NEK1: variants seen among roughly 807,000 people sequenced by gnomAD.
NEK1 encodes the protein serine/threonine-protein kinase Nek1.
Under a neutral mutation model 182.1 loss-of-function variants are expected in NEK1, and 137 were observed. The ratio of observed to expected loss-of-function variants is 0.75; its 90% CI spans 0.65 to 0.87. The LOEUF (loss-of-function observed/expected upper bound fraction) is 0.87, where lower values mean the gene tolerates loss of function less well. Among genes scored for constraint, NEK1 ranks in the 40% least tolerant of loss-of-function variants. The probability of loss-of-function intolerance (pLI) is 0.00; values close to 1 mark genes in which losing one functional copy is unlikely to be tolerated. For missense variants in NEK1, 1,391 were observed against 1,494.4 expected (o/e 0.93, Z 1.14); for synonymous variants, 513 against 492.2 (o/e 1.04, Z -0.56).
intron 12 of NEK1, among the ~76,000 whole-genome samples, chr4:169,567,337 G>A (rs1428372446): frequency 6.6e-6 from 1 of 151,538 alleles, no homozygotes; most frequent in Non-Finnish European, 1.5e-5. Context: ...TTTTAAGTGT[G>A]CAGTTCTGTG....
intron 19 of NEK1, among the ~76,000 whole-genome samples, chr4:169,525,967 A>G (rs1393362276): frequency 6.6e-6 from 1 of 152,218 alleles, no homozygotes; most frequent in Non-Finnish European, 1.5e-5. Context: ...ACACTGGAAT[A>G]AAAATCCCCA....
intron 23 of NEK1, among the ~76,000 whole-genome samples, chr4:169,502,862 T>C (rs970091863): frequency 7.9e-5 from 12 of 152,120 alleles, no homozygotes; most frequent in African/African-American, 2.9e-4. Flanking sequence ...TTCAACATAG[T>C]ACTGGCAGTC....
At chr4:169,406,864 A>C (rs1245340291) in intron 31 of NEK1, 117 bp from the exon 32 acceptor site, 1 of 623,824 alleles carries the variant, frequency 1.6e-6, no homozygotes, top group African/African-American at 2.0e-5. Context: ...AACATATAAA[A>C]AGTTTTTTTA....
intron 27 of NEK1, among the ~76,000 whole-genome samples, chr4:169,460,439 G>A (rs1305495691): frequency 6.6e-6 from 1 of 151,828 alleles, no homozygotes; most frequent in Non-Finnish European, 1.5e-5. Context: ...GGAAAGACCT[G>A]CCCCCATAAT....
intron 27 of NEK1, among the ~76,000 whole-genome samples, chr4:169,456,801 A>G (rs1346551229): frequency 6.6e-6 from 1 of 152,232 alleles, no homozygotes; most frequent in Non-Finnish European, 1.5e-5. Flanking sequence ...AAGATTTAGA[A>G]GCAACCTAAA....
At chr4:169,477,562 A>G (rs2149550532) in intron 24 of NEK1, 65 bp from the exon 25 acceptor site, 8 of 1,204,354 alleles carry the variant, frequency 6.6e-6, no homozygotes, top group Non-Finnish European at 9.3e-6. Context: ...CTTTAAAAAT[A>G]TTACATCCTC....
chr4:169,514,995 C>T (rs926620409), intron 19 of NEK1, among the ~76,000 whole-genome samples: 3 of 152,108 alleles, frequency 2.0e-5, no homozygotes, highest in South Asian at 2.1e-4. Flanking sequence ...CACAGAAGTG[C>T]TTCAGCTCTC....
At chr4:169,524,095 A>G (rs1317854602) in intron 19 of NEK1, among the ~76,000 whole-genome samples, 4 of 152,228 alleles carry the variant, frequency 2.6e-5, no homozygotes, top group African/African-American at 7.2e-5. Flanking sequence ...TATATCTACA[A>G]CAATGTTCAA....
At chr4:169,581,765 T>C (rs2150056120) in intron 10 of NEK1, among the ~76,000 whole-genome samples, 1 of 152,334 alleles carries the variant, frequency 6.6e-6, no homozygotes, top group East Asian at 1.9e-4. Flanking sequence ...TCAAAACTAC[T>C]GAAGAATCTC....
At chr4:169,553,093 C>T (rs7687728) in intron 18 of NEK1, among the ~76,000 whole-genome samples, 69,995 of 151,902 alleles carry the variant, frequency 0.46, 18,607 homozygotes, top group East Asian at 0.76. Flanking sequence ...TATGGAAAGA[C>T]AAAAGAACCG....
In NEK1 at chr4:169,514,531, G is replaced by A. The variant is rs542476812; in HGVS notation, c.1666-5679C>T. ...AGATTTTCAATAGTTTTTGAATCACGAATTCAACTTTTAAAACAGTTATAG... is the reference window on the plus strand; with the variant it reads ...AGATTTTCAATAGTTTTTGAATCACAAATTCAACTTTTAAAACAGTTATAG... On this transcript the variant is annotated intron_variant, in intron 19 of 35. Coordinates refer to ENST00000507142, the MANE Select transcript of NEK1 (RefSeq NM_001199397.3). Among the ~76,000 whole-genome samples the A allele has an allele frequency of 1.2e-4, 18 of 152,236 alleles. No homozygotes were observed. In the South Asian group the frequency reaches 3.7e-3, roughly 32 times the overall value.
chr4:169,547,789 G>T (rs559864043), intron 18 of NEK1, among the ~76,000 whole-genome samples: 2 of 152,020 alleles, frequency 1.3e-5, no homozygotes, highest in Admixed American at 1.3e-4. Flanking sequence ...TATGCTTCAC[G>T]AAGTTCTCAT....
At chr4:169,537,663 T>C in intron 19 of NEK1, 146 bp downstream of exon 19, 1 of 661,096 alleles carries the variant, frequency 1.5e-6, no homozygotes, top group African/African-American at 1.8e-5. Context: ...TTTTATACTC[T>C]GCAAATGACT....
chr4:169,526,981 G>GA (rs1035306531), intron 19 of NEK1, among the ~76,000 whole-genome samples: 1 of 151,950 alleles, frequency 6.6e-6, no homozygotes, highest in Non-Finnish European at 1.5e-5. Flanking sequence ...ACCATAAATA[G>GA]AAAAAATCCC....
At chr4:169,497,092 G>A (rs1019686979) in intron 23 of NEK1, among the ~76,000 whole-genome samples, 1 of 152,136 alleles carries the variant, frequency 6.6e-6, no homozygotes, top group African/African-American at 2.4e-5. Context: ...GCCTGTTATT[G>A]GTCTATTCAG....
rs544461065 is a variant in NEK1, at chr4:169,510,195, T to A, written c.1666-1343A>T. Among the ~76,000 whole-genome samples, 26 of 152,264 alleles carry A rather than the reference T, an allele frequency of 1.7e-4. No individual in the cohort carries two copies. In the South Asian group the frequency reaches 5.0e-3, roughly 29 times the overall value. On this transcript the variant is annotated intron_variant, in intron 19 of 35. Coordinates refer to ENST00000507142, the MANE Select transcript of NEK1 (RefSeq NM_001199397.3). ...TTTGCTGGCCCTCCTTCTCTTCTCA[T>A]CCCCAGGCTTTAACATATGCTGCCA...
chr4:169,394,949 T>G (rs1412289170), intron 35 of NEK1, among the ~76,000 whole-genome samples: 1 of 152,176 alleles, frequency 6.6e-6, no homozygotes, highest in Non-Finnish European at 1.5e-5. Flanking sequence ...CACTGTAAAG[T>G]TCTTTCAGAT....
At position 169,393,169 on chromosome 4, in the gene NEK1, A is replaced by G. The variant is rs1448673314; in HGVS notation, c.*1341T>C. 1 of 152,226 alleles carries G rather than the reference A, an allele frequency of 6.6e-6. No homozygotes were observed. Among genetic ancestry groups the G allele is most frequent in the Non-Finnish European group, 1.5e-5 (1 of 68,036 alleles). The allele number at this position is 152,226 out of a possible 1,614,324, so 9.4% of individuals were successfully genotyped here. ...TTGAATTCATTTTCTTCCATTATGA[A>G]GAAAGAAATCATCAGGTACAAAACC... On this transcript the variant is annotated 3_prime_UTR_variant, in exon 36 of 36. Transcript: ENST00000507142.
chr4:169,422,212 T>C (rs1309044779), intron 31 of NEK1, among the ~76,000 whole-genome samples: 1 of 152,142 alleles, frequency 6.6e-6, no homozygotes, highest in Admixed American at 6.6e-5. Context: ...TGGAATGTAT[T>C]GGGAAGTGAA....
Sources: gnomAD v4.1 joint callset for allele counts (sites outside exome capture counted in the v4.1 genomes callset) on GRCh38, gnomAD v4.1.1 for gene constraint, MANE v1.5 for transcripts, NCBI Gene and HGNC (gene_info 2026-07-23, HGNC 2026-07-21) for gene names.